The following STARD13 variants were observed in gnomAD, a reference collection of about 807,000 sequenced individuals.
The protein encoded by STARD13 is StAR related lipid transfer domain containing 13, also known as stAR-related lipid transfer protein 13.
In STARD13, 62 loss-of-function variants were observed where a neutral mutation model predicts 106.4. The observed-to-expected ratio is 0.58, with a 90% CI of 0.48 to 0.72. The LOEUF is 0.72. STARD13 is among the 30% of genes least tolerant of loss of function. STARD13 has a pLI of 0.00. For synonymous variants in STARD13, 565 were observed against 553.0 expected (o/e 1.02, Z -0.31); for missense variants, 1,387 against 1,424.0 (o/e 0.97, Z 0.42).
At chr13:33,605,470 A>C in the STARD13 span, among the ~76,000 whole-genome samples, 1 of 151,680 alleles carries the variant, frequency 6.6e-6, no homozygotes, top group African/African-American at 2.4e-5. Context: ...ATCAAAGACC[A>C]ACACTTTTGT....
intron 4 of STARD13, among the ~76,000 whole-genome samples, chr13:33,134,657 T>A (rs2138195484): frequency 6.6e-6 from 1 of 152,324 alleles, no homozygotes; most frequent in African/African-American, 2.4e-5. Flanking sequence ...CAGAACCAAA[T>A]GGGACTATAT....
chr13:33,598,414 T>C, the STARD13 span, among the ~76,000 whole-genome samples: 1 of 152,234 alleles, frequency 6.6e-6, no homozygotes, highest in Non-Finnish European at 1.5e-5. Flanking sequence ...ATTTTAGCCC[T>C]ATTTGGGTAC....
the STARD13 span, among the ~76,000 whole-genome samples, chr13:33,659,294 C>T: frequency 7.3e-5 from 11 of 150,570 alleles, no homozygotes; most frequent in African/African-American, 2.7e-4. Flanking sequence ...CGTCTCACTG[C>T]AACCTCTGCC....
At chr13:33,312,774 CTGT>C (rs1035386515) in intron 1 of STARD13, among the ~76,000 whole-genome samples, 1 of 152,140 alleles carries the variant, frequency 6.6e-6, no homozygotes, top group African/African-American at 2.4e-5. Flanking sequence ...ATGCCAGGAC[CTGT>C]TGTTGGACAC....
At chr13:33,174,722 G>T (rs771038417) in intron 1 of STARD13, among the ~76,000 whole-genome samples, 9 of 152,186 alleles carry the variant, frequency 5.9e-5, no homozygotes, top group Non-Finnish European at 1.0e-4. Flanking sequence ...TAACACAGCT[G>T]CCAGCTATTC....
At chr13:33,643,782 C>G in the STARD13 span, among the ~76,000 whole-genome samples, 1 of 152,220 alleles carries the variant, frequency 6.6e-6, no homozygotes, top group Admixed American at 6.5e-5. Context: ...TTAAACTTCC[C>G]CAACAACTCT....
rs186155932 is a variant in STARD13, at chr13:33,292,528, G to C, written c.124+57762C>G. The stretch of plus-strand genomic sequence containing the variant: ...AGGTAGGAGCATGACTTGAGCCTGG[G>C]AGGTCAAGGCTCCAGTAAGCCATGA... On this transcript the variant is annotated intron_variant, in intron 1 of 5. Coordinates refer to the STARD13 transcript ENST00000567873. 1.8e-4 allele frequency among the ~76,000 whole-genome samples: 27 copies of C among 151,690 alleles called. No individual in the cohort carries two copies. In the East Asian group the frequency reaches 5.1e-3, roughly 28 times the overall value.
intron 1 of STARD13, among the ~76,000 whole-genome samples, chr13:33,202,343 G>A (rs1887099765): frequency 6.6e-6 from 1 of 152,146 alleles, no homozygotes; most frequent in Non-Finnish European, 1.5e-5. Flanking sequence ...ATGCCATAAG[G>A]GACAATTTAT....
the STARD13 span, among the ~76,000 whole-genome samples, chr13:33,443,413 T>C: frequency 6.7e-6 from 1 of 148,494 alleles, no homozygotes; most frequent in Non-Finnish European, 1.5e-5. Context: ...TGATAAATTT[T>C]ATGTTAAGTG....
At chr13:33,556,483 A>T in the STARD13 span, among the ~76,000 whole-genome samples, 3 of 151,922 alleles carry the variant, frequency 2.0e-5, no homozygotes, top group African/African-American at 7.3e-5. Context: ...GGTCTCACTA[A>T]GTTGCCCAGG....
At chr13:33,117,805 T>C in intron 8 of STARD13, 5 of 980,622 alleles carry the variant, frequency 5.1e-6, no homozygotes, top group Non-Finnish European at 6.1e-6. Flanking sequence ...ATTGAAAGTT[T>C]GTTTTAGATC....
Position 33,127,403 on chromosome 13 carries a change from T to C in STARD13, c.1892A>G (p.His631Arg). ...LLRLTAIMEKHSMSNKHGWTW... is the reference protein window; with the variant it reads ...LLRLTAIMEKRSMSNKHGWTW... ...CCAGCCGTGCTTGTTGGACATGGAG[T>C]GCTTCTCCATGATGGCCGTGAGGCG... Residue 631 changes from histidine (H) to arginine (R), a missense_variant, in exon 6 of 14, where the codon CAC becomes CGC. By Grantham distance (29) the His-to-Arg change is conservative (BLOSUM62 0). Transcript: ENST00000336934. The C allele has an allele frequency of 6.2e-7, 1 of 1,604,400 alleles. No homozygotes were observed. The highest frequency in any genetic ancestry group is 8.5e-7 in the Non-Finnish European group (1 of 1,177,000).
intron 4 of STARD13, among the ~76,000 whole-genome samples, chr13:33,136,747 C>CG (rs1879110483): frequency 1.3e-5 from 2 of 152,218 alleles, no homozygotes; most frequent in African/African-American, 4.8e-5. Flanking sequence ...GCTGCTGTGT[C>CG]GCTCAATAAA....
chr13:33,440,479 C>T, the STARD13 span, among the ~76,000 whole-genome samples: 3 of 151,772 alleles, frequency 2.0e-5, no homozygotes, highest in Non-Finnish European at 4.4e-5. Flanking sequence ...CAACTTTATC[C>T]TTCTGGCCTT....
the STARD13 span, among the ~76,000 whole-genome samples, chr13:33,608,632 G>C: frequency 6.6e-6 from 1 of 152,160 alleles, no homozygotes; most frequent in Non-Finnish European, 1.5e-5. Flanking sequence ...CTCTTCAACA[G>C]ATAGTGTAGA....
In STARD13 at chr13:33,247,768, G is replaced by A. The variant is rs984261325; in HGVS notation, c.169+37702C>T. Among the ~76,000 whole-genome samples, 6 of 152,104 alleles carry A rather than the reference G, an allele frequency of 3.9e-5. No individual in the cohort carries two copies. In the East Asian group the frequency reaches 5.8e-4, roughly 15 times the overall value. On this transcript the variant is annotated intron_variant, in intron 1 of 13. Coordinates refer to ENST00000336934, the MANE Select transcript of STARD13 (RefSeq NM_178006.4). ...TCACTCTACTGCTATCGCCCAAAAC[G>A]CACAATTCTCAGCACTGGCTGAACT...
At chr13:33,166,459 A>G (rs1883323279) in intron 2 of STARD13, among the ~76,000 whole-genome samples, 1 of 152,032 alleles carries the variant, frequency 6.6e-6, no homozygotes, top group Non-Finnish European at 1.5e-5. Flanking sequence ...CTGTGCCACT[A>G]CAAGCCCTGG....
chr13:33,178,389 T>C (rs1232277322), intron 1 of STARD13, among the ~76,000 whole-genome samples: 1 of 152,190 alleles, frequency 6.6e-6, no homozygotes, highest in East Asian at 1.9e-4. Flanking sequence ...TCATTCTAAA[T>C]AAAGAATTTC....
the STARD13 span, among the ~76,000 whole-genome samples, chr13:33,432,881 TA>T: frequency 6.6e-6 from 1 of 152,138 alleles, no homozygotes; most frequent in Non-Finnish European, 1.5e-5. Context: ...CTATAGAATC[TA>T]AAAAAATGAA....
Sources: allele counts gnomAD v4.1 joint callset (sites outside exome capture counted in the v4.1 genomes callset), GRCh38; gene constraint gnomAD v4.1.1; transcripts MANE v1.5; gene names NCBI Gene and HGNC (gene_info 2026-07-23, HGNC 2026-07-21).